The following ABCA1 variants were observed in gnomAD, a reference collection of about 807,000 sequenced individuals.
ABCA1 encodes phospholipid-transporting ATPase ABCA1.
ABCA1 carries 133 observed loss-of-function variants against 262.5 expected under a neutral mutation model. That is an observed-to-expected ratio of 0.51 (90% CI 0.44 to 0.59). The LOEUF is 0.59. ABCA1 is among the 20% of genes least tolerant of loss of function. The pLI is 0.00. For synonymous variants in ABCA1, 1,022 were observed against 1,043.5 expected, an observed-to-expected ratio of 0.98 and a Z score of 0.40; for missense variants, 2,452 against 2,777.5, an observed-to-expected ratio of 0.88 and a Z score of 2.63.
Position 104,784,242 on chromosome 9 carries a change from A to G in ABCA1, c.*73T>C. 9 of 1,598,034 alleles carry G rather than the reference A, an allele frequency of 5.6e-6. No individual in the cohort carries two copies. Among genetic ancestry groups the G allele is most frequent in the Non-Finnish European group, 7.7e-6 (9 of 1,167,226 alleles). On this transcript the variant is annotated 3_prime_UTR_variant, in exon 50 of 50. Transcript: ENST00000374736. ...ACATCAACTTCTGGCTCTTTTCTCCACAACACTTCACATGGTGCAAAGGAA... is the reference window on the plus strand; with the variant it reads ...ACATCAACTTCTGGCTCTTTTCTCCGCAACACTTCACATGGTGCAAAGGAA...
At chr9:104,826,842 T>C (rs1022031779) in intron 16 of ABCA1, 106 bp downstream of exon 16, 4 of 1,063,054 alleles carry the variant, frequency 3.8e-6, no homozygotes, top group African/African-American at 1.6e-5. Context: ...TCATGTCCCA[T>C]TGGAAAAGAC....
intron 25 of ABCA1, among the ~76,000 whole-genome samples, chr9:104,815,506 G>A (rs1189284811): frequency 6.6e-6 from 1 of 152,136 alleles, no homozygotes; most frequent in African/African-American, 2.4e-5. Context: ...GGACTTTGAA[G>A]CCCCAAACCC....
chr9:104,797,232 A>C (rs1323283413), intron 37 of ABCA1, among the ~76,000 whole-genome samples: 1 of 152,246 alleles, frequency 6.6e-6, no homozygotes, highest in Non-Finnish European at 1.5e-5. Flanking sequence ...TAAGTCAGAC[A>C]CACAGCACTC....
chr9:104,917,127 T>C (rs1264213082), intron 1 of ABCA1, among the ~76,000 whole-genome samples: 1 of 152,190 alleles, frequency 6.6e-6, no homozygotes, highest in Non-Finnish European at 1.5e-5. Flanking sequence ...GGAGGTAGCA[T>C]GAGAAATTCA....
chr9:104,838,077 G>A (rs141642492), intron 9 of ABCA1, among the ~76,000 whole-genome samples: 1 of 152,188 alleles, frequency 6.6e-6, no homozygotes. Context: ...TGCAATCCCA[G>A]CACTTTGGGA....
chr9:104,824,539 G>A lies in ABCA1; in HGVS notation c.2582C>T (p.Thr861Ile). 6.2e-7 allele frequency: 1 copy of A among 1,614,058 alleles called. No individual in the cohort carries two copies. The highest frequency in any genetic ancestry group is 8.5e-7 in the Non-Finnish European group (1 of 1,180,028). Residue 861 changes from threonine to isoleucine, a missense_variant, in exon 18 of 50, where the codon ACC becomes ATC. Physicochemically the swap from Thr to Ile is moderately conservative, Grantham distance 89. Transcript: ENST00000374736. ...TTCCTCGCCAAACCAGTAGGACTTG[G>A]TGCAAGGAAAATACCAGGGCCTGGG... ...GIPRPWYFPC[T>I]KSYWFGEESD...
chr9:104,822,162 C>T (rs544301559), intron 19 of ABCA1, among the ~76,000 whole-genome samples: 31 of 152,276 alleles, frequency 2.0e-4, no homozygotes, highest in African/African-American at 6.7e-4. Context: ...CTCACATCTG[C>T]TTAGAGACAG....
rs531095258 is a variant in ABCA1, at chr9:104,854,819, GATA to G, written c.720+3700_720+3702del. On this transcript the variant is annotated intron_variant, in intron 7 of 49. Transcript: ENST00000374736. ...CATGACTAAGTGCATTTATCCCACA[GATA>G]ATATTTCATATATCCACCCACCTTT... is the stretch of plus-strand genomic sequence containing the variant. 2.2e-4 allele frequency among the ~76,000 whole-genome samples: 34 copies of G among 152,298 alleles called. No homozygotes were observed. The South Asian group carries it at 6.8e-3, about 31-fold the overall frequency.
intron 7 of ABCA1, among the ~76,000 whole-genome samples, chr9:104,851,241 C>G (rs1333769826): frequency 6.6e-6 from 1 of 152,156 alleles, no homozygotes; most frequent in Non-Finnish European, 1.5e-5. Context: ...CACAGAAATG[C>G]TCTGTTTCGT....
intron 1 of ABCA1, among the ~76,000 whole-genome samples, chr9:104,906,528 C>T (rs1169009014): frequency 6.6e-6 from 1 of 152,066 alleles, no homozygotes; most frequent in South Asian, 2.1e-4. Context: ...GCTGGGCACA[C>T]TTAGGCAAGC....
intron 8 of ABCA1, among the ~76,000 whole-genome samples, chr9:104,844,439 TAGAAC>T: frequency 6.6e-6 from 1 of 152,108 alleles, no homozygotes; most frequent in African/African-American, 2.4e-5. Flanking sequence ...AGAAAGAAAG[TAGAAC>T]AGGACAGGAA....
chr9:104,825,593 G>T, intron 17 of ABCA1, 90 bp downstream of exon 17: 1 of 1,358,256 alleles, frequency 7.4e-7, no homozygotes, highest in Non-Finnish European at 1.1e-6. Context: ...CCACTTCCCA[G>T]GGAAGCCCAT....
At chr9:104,908,393 A>G (rs7854775) in intron 1 of ABCA1, among the ~76,000 whole-genome samples, 24,043 of 152,248 alleles carry the variant, frequency 0.16, 2,527 homozygotes, top group African/African-American at 0.29. Context: ...GGGGCTGGGC[A>G]CAGTGGCTCA....
intron 39 of ABCA1, 102 bp from the exon 40 acceptor site, chr9:104,794,612 G>C (rs1829729867): frequency 3.6e-6 from 5 of 1,401,338 alleles, no homozygotes; most frequent in Non-Finnish European, 4.8e-6. Flanking sequence ...CTGAAATATG[G>C]GAGTGAAGAA....
intron 25 of ABCA1, among the ~76,000 whole-genome samples, chr9:104,815,733 C>T (rs1479759515): frequency 6.6e-6 from 1 of 152,212 alleles, no homozygotes; most frequent in African/African-American, 2.4e-5. Flanking sequence ...CAGAGAATTG[C>T]TCCTGATTCT....
Position 104,798,497 on chromosome 9 carries a change from C to G in ABCA1, c.5045G>C (p.Ser1682Thr). Residue 1682 changes from serine to threonine, a missense_variant, in exon 37 of 50, where the codon AGC becomes ACC. Ser to Thr is a moderately conservative substitution (Grantham distance 58). Around this residue, in one of 4 missense-constraint regions of ABCA1, gnomAD observed 752 missense variants for 944.5 expected, o/e 0.80. Coordinates refer to ENST00000374736, the MANE Select transcript of ABCA1 (RefSeq NM_005502.4). ...FVVFLIQERV[S>T]KAKHLQFISG... is the part of the protein sequence containing the mutation. Reference sequence around the variant, plus strand: ...GATGAACTGCAGGTGTTTTGCTTTGCTGACCCGCTCCTGGATCAGGAATAC... The same window carrying G: ...GATGAACTGCAGGTGTTTTGCTTTGGTGACCCGCTCCTGGATCAGGAATAC... 3 of 1,614,188 alleles carry G rather than the reference C, an allele frequency of 1.9e-6. No homozygotes were observed. The highest frequency in any genetic ancestry group is 2.5e-6 in the Non-Finnish European group (3 of 1,180,030).
At chr9:104,899,007 C>T (rs186696832) in intron 2 of ABCA1, among the ~76,000 whole-genome samples, 42 of 152,328 alleles carry the variant, frequency 2.8e-4, no homozygotes, top group Admixed American at 1.4e-3. Flanking sequence ...ACTGTAAGCT[C>T]TACGAAAGCA....
At position 104,803,316 on chromosome 9, in the gene ABCA1, G is replaced by C. The variant is rs752010488; in HGVS notation, c.4560C>G (p.Ser1520Arg). 6.2e-7 allele frequency: 1 copy of C among 1,614,026 alleles called. No individual in the cohort carries two copies. Among genetic ancestry groups the C allele is most frequent in the African/African-American group, 1.3e-5 (1 of 74,928 alleles). Reference sequence around the variant, plus strand: ...CATTCACCCAGATCTTGTTCTTTAAGCTGCAGAGACAAAGAAACAAAAAAT... The same window carrying C: ...CATTCACCCAGATCTTGTTCTTTAACCTGCAGAGACAAAGAAACAAAAAAT... Reference protein sequence around the residue: ...VKTYVQIIAKSLKNKIWVNEF... With the variant: ...VKTYVQIIAKRLKNKIWVNEF... Residue 1520 changes from serine (S) to arginine (R), a missense_variant and splice_region_variant, in exon 33 of 50, where the codon AGC becomes AGG. By Grantham distance (110) the Ser-to-Arg change is moderately radical. Transcript: ENST00000374736.
At chr9:104,861,646 G>C (rs1420060939) in intron 6 of ABCA1, 33 bp downstream of exon 6, 5 of 1,613,890 alleles carry the variant, frequency 3.1e-6, no homozygotes, top group Non-Finnish European at 4.2e-6. Context: ...ATTGCCATCA[G>C]CCCTACTGAG....
Sources: allele counts gnomAD v4.1 joint callset (sites outside exome capture counted in the v4.1 genomes callset), GRCh38; gene constraint gnomAD v4.1.1; regional missense constraint gnomAD v4.1.1; transcripts MANE v1.5; gene names NCBI Gene and HGNC (gene_info 2026-07-23, HGNC 2026-07-21).